The following BCAS1 variants were observed in gnomAD, a reference collection of about 807,000 sequenced individuals.
The protein encoded by BCAS1 is breast carcinoma-amplified sequence 1.
A neutral mutation model predicts 65.4 loss-of-function variants in BCAS1; 46 were observed. The ratio of observed to expected loss-of-function variants is 0.70; its 90% confidence interval spans 0.55 to 0.90. The LOEUF (loss-of-function observed/expected upper bound fraction) is 0.90. Among genes scored for constraint, BCAS1 ranks in the 40% least tolerant of loss-of-function variants. The pLI, the probability that BCAS1 is intolerant of heterozygous loss-of-function variation, is 0.00. For synonymous variants in BCAS1, 298 were observed against 293.5 expected, an observed-to-expected ratio of 1.02 and a Z score of -0.16; for missense variants, 793 against 771.2, an observed-to-expected ratio of 1.03 and a Z score of -0.33.
At chr20:53,976,983 A>G (rs1372823266) in intron 8 of BCAS1, among the ~76,000 whole-genome samples, 2 of 152,248 alleles carry the variant, frequency 1.3e-5, no homozygotes, top group East Asian at 1.9e-4. Context: ...TGGGTAATTT[A>G]TAAAGGAAAG....
intron 3 of BCAS1, among the ~76,000 whole-genome samples, chr20:54,046,774 G>A (rs2092116048): frequency 6.6e-6 from 1 of 151,052 alleles, no homozygotes; most frequent in African/African-American, 2.4e-5. Flanking sequence ...GATCTGGGAC[G>A]TGGAGGTTGC....
intron 4 of BCAS1, among the ~76,000 whole-genome samples, chr20:54,013,456 T>C (rs1246858061): frequency 2.0e-5 from 3 of 152,208 alleles, no homozygotes; most frequent in Non-Finnish European, 4.4e-5. Flanking sequence ...GCCAAGCTTG[T>C]GTGAAGAAGG....
At position 53,975,437 on chromosome 20, in the gene BCAS1, G is replaced by T; in HGVS notation, c.1276-7C>A. On this transcript the variant is annotated splice_polypyrimidine_tract_variant and splice_region_variant and intron_variant, in intron 8 of 12. Transcript: ENST00000688948. Reference sequence around the variant, plus strand: ...CTGAGTCCTCTTTAACTGACTAAAGGAAGATAAAAACAAAAGTGAGAGTTA... The same window carrying T: ...CTGAGTCCTCTTTAACTGACTAAAGTAAGATAAAAACAAAAGTGAGAGTTA... The T allele has an allele frequency of 6.2e-7, 1 of 1,610,822 alleles. No individual in the cohort carries two copies. The highest frequency in any genetic ancestry group is 1.1e-5 in the South Asian group (1 of 90,962).
At chr20:53,955,144 T>C (rs2089660413) in intron 11 of BCAS1, among the ~76,000 whole-genome samples, 1 of 152,144 alleles carries the variant, frequency 6.6e-6, no homozygotes, top group Non-Finnish European at 1.5e-5. Context: ...AGGAGAACTT[T>C]CTTTTCACAC....
At chr20:54,012,678 C>T (rs6091806) in intron 4 of BCAS1, among the ~76,000 whole-genome samples, 23 of 152,184 alleles carry the variant, frequency 1.5e-4, no homozygotes, top group Non-Finnish European at 2.6e-4. Context: ...CCATGATAAC[C>T]GTAAAAATGA....
At chr20:53,988,912 C>A (rs1001594036) in intron 7 of BCAS1, among the ~76,000 whole-genome samples, 1 of 152,208 alleles carries the variant, frequency 6.6e-6, no homozygotes, top group Admixed American at 6.5e-5. Context: ...CCATACTACA[C>A]TGTTTCCAAT....
At chr20:53,998,289 G>A (rs1180867400) in intron 4 of BCAS1, among the ~76,000 whole-genome samples, 1 of 152,018 alleles carries the variant, frequency 6.6e-6, no homozygotes, top group Non-Finnish European at 1.5e-5. Flanking sequence ...GCCATTTTTT[G>A]CGTTGTTATA....
At chr20:53,960,818 A>G (rs2089856914) in intron 10 of BCAS1, among the ~76,000 whole-genome samples, 1 of 152,198 alleles carries the variant, frequency 6.6e-6, no homozygotes. Context: ...CAAAGGAACC[A>G]TAAACATAGA....
chr20:54,011,553 C>T (rs2091320861), intron 4 of BCAS1, among the ~76,000 whole-genome samples: 1 of 151,958 alleles, frequency 6.6e-6, no homozygotes, highest in African/African-American at 2.4e-5. Context: ...CACTATGCAC[C>T]CATCAAAGTG....
chr20:54,054,493 C>T (rs1469940792), intron 3 of BCAS1, among the ~76,000 whole-genome samples: 1 of 152,146 alleles, frequency 6.6e-6, no homozygotes. Flanking sequence ...TTTTATACCC[C>T]TTAAAACTGC....
Position 53,946,278 on chromosome 20 carries a change from G to A in BCAS1, c.1816-1282C>T, listed in dbSNP as rs566680679. ...CTTTTGTGGTCAACCGCTCCCCACC[G>A]CAGACCCTGGCAAGCACCGATCTGT... On this transcript the variant is annotated intron_variant, in intron 12 of 12. Coordinates refer to ENST00000688948, the MANE Select transcript of BCAS1 (RefSeq NM_001366298.2). Among the ~76,000 whole-genome samples the A allele has an allele frequency of 7.3e-5, 11 of 151,586 alleles. No homozygotes were observed. In the South Asian group the frequency reaches 8.4e-4, roughly 12 times the overall value.
At chr20:53,998,354 AG>A (rs2090972777) in intron 4 of BCAS1, among the ~76,000 whole-genome samples, 1 of 152,200 alleles carries the variant, frequency 6.6e-6, no homozygotes, top group Non-Finnish European at 1.5e-5. Flanking sequence ...ATTGGCTCAC[AG>A]TTCTGCAGCC....
At chr20:53,983,429 G>A (rs1033058643) in intron 8 of BCAS1, among the ~76,000 whole-genome samples, 3 of 152,112 alleles carry the variant, frequency 2.0e-5, no homozygotes, top group Non-Finnish European at 4.4e-5. Flanking sequence ...GTGAGGAAAC[G>A]AAAGCTCATA....
intron 3 of BCAS1, among the ~76,000 whole-genome samples, chr20:54,046,352 A>G (rs290417): frequency 0.32 from 48,038 of 151,302 alleles, 7,939 homozygotes; most frequent in South Asian, 0.42. Flanking sequence ...ACATAGTGGA[A>G]CCCCGTCTGT....
rs1264743716 is a variant in BCAS1 at position 53,967,155 on chromosome 20, G to A, written c.1318-82C>T. The A allele has an allele frequency of 2.8e-6, 4 of 1,451,594 alleles. No individual in the cohort carries two copies. The East Asian group carries it at 9.2e-5, about 33-fold the overall frequency. The allele number at this position is 1,451,594 out of a possible 1,614,324, so 89.9% of individuals were successfully genotyped here. A position where few individuals can be genotyped will look rare whatever the true frequency, so the allele number is the denominator to read the frequency against. On this transcript the variant is annotated intron_variant, in intron 9 of 12. Transcript: ENST00000688948. Reference sequence around the variant, plus strand: ...TGTTTTACAAAGTGGGGTCCTTGTTGCCCCCCTGTCCACATAGTAGCTACA... The same window carrying A: ...TGTTTTACAAAGTGGGGTCCTTGTTACCCCCCTGTCCACATAGTAGCTACA...
At chr20:54,065,354 GT>G (rs2092426751) in intron 1 of BCAS1, among the ~76,000 whole-genome samples, 1 of 152,210 alleles carries the variant, frequency 6.6e-6, no homozygotes, top group African/African-American at 2.4e-5. Flanking sequence ...GCTGTTCTTT[GT>G]TTCTCCCTCA....
intron 12 of BCAS1, among the ~76,000 whole-genome samples, chr20:53,946,454 A>G (rs546350873): frequency 1.3e-5 from 2 of 151,498 alleles, no homozygotes; most frequent in South Asian, 4.2e-4. Flanking sequence ...CTCCTTTTAT[A>G]CTATAAGACA....
chr20:53,957,443 A>T lies in BCAS1; in HGVS notation c.1540T>A (p.Ser514Thr). The T allele has an allele frequency of 6.2e-7, 1 of 1,614,042 alleles. No individual in the cohort carries two copies. The highest frequency in any genetic ancestry group is 8.5e-7 in the Non-Finnish European group (1 of 1,179,860). ...TCGAGGTCACTTACTTGGCAGCTGG[A>T]GTCTTTCCCATTTATTTCTTCTGAG... ...THSEEINGKD[S>T]SCQTSDSTEK... Residue 514 changes from serine (S) to threonine (T), a missense_variant, in exon 11 of 13, where the codon TCC (serine) becomes ACC (threonine). Coordinates refer to ENST00000688948, the MANE Select transcript of BCAS1 (RefSeq NM_001366298.2).
In BCAS1 at chr20:53,944,777, C is replaced by T; in HGVS notation, c.*145G>A. The T allele has an allele frequency of 1.2e-6, 1 of 801,504 alleles. No homozygotes were observed. The highest frequency in any genetic ancestry group is 1.5e-5 in the South Asian group (1 of 68,094). 49.6% of individuals were successfully genotyped at this position (801,504 alleles called of 1,614,324 possible). On this transcript the variant is annotated 3_prime_UTR_variant, in exon 13 of 13. Coordinates refer to ENST00000688948, the MANE Select transcript of BCAS1 (RefSeq NM_001366298.2). ...GACGTAAATAATACACCTCAATATACAACAGCTCGGGCTTAATTTCTAGGC... is the reference window on the plus strand; with the variant it reads ...GACGTAAATAATACACCTCAATATATAACAGCTCGGGCTTAATTTCTAGGC...
Sources: gnomAD v4.1 joint callset for allele counts (sites outside exome capture counted in the v4.1 genomes callset) on GRCh38, gnomAD v4.1.1 for gene constraint, MANE v1.5 for transcripts, NCBI Gene and HGNC (gene_info 2026-07-23, HGNC 2026-07-21) for gene names.